SPAG9: variants seen among roughly 807,000 people sequenced by gnomAD.
SPAG9 encodes sperm associated antigen 9.
In SPAG9, 35 loss-of-function variants were observed where a neutral mutation model predicts 166.5. That is an observed-to-expected ratio of 0.21 (90% CI 0.16 to 0.28). The LOEUF (loss-of-function observed/expected upper bound fraction) is 0.28. Ranked by LOEUF, SPAG9 falls within the 10% of genes least tolerant of loss-of-function variation. The pLI is 1.00. For missense variants in SPAG9, 1,235 were observed against 1,603.3 expected, an observed-to-expected ratio of 0.77 and a Z score of 3.92; for synonymous variants, 534 against 565.5, an observed-to-expected ratio of 0.94 and a Z score of 0.79.
chr17:51,060,884 G>T (rs1201522446), intron 2 of SPAG9, among the ~76,000 whole-genome samples: 1 of 140,644 alleles, frequency 7.1e-6, no homozygotes, highest in Non-Finnish European at 1.5e-5. Flanking sequence ...GTCTCACTCT[G>T]TCCCCAGGCT....
chr17:51,024,996 G>A lies in SPAG9; in HGVS notation c.784-3631C>T, dbSNP rs2046097140. Among the ~76,000 whole-genome samples the A allele has an allele frequency of 2.7e-5, 4 of 148,340 alleles. No homozygotes were observed. In the South Asian group the frequency reaches 8.5e-4, roughly 32 times the overall value. ...ATTGCGCCACTGCACTCCAGCTTGGGCAACAGAGCAAGACTTCATCTCAAA... is the reference window on the plus strand; with the variant it reads ...ATTGCGCCACTGCACTCCAGCTTGGACAACAGAGCAAGACTTCATCTCAAA... On this transcript the variant is annotated intron_variant, in intron 6 of 29. Transcript: ENST00000262013.
intron 5 of SPAG9, among the ~76,000 whole-genome samples, chr17:51,035,921 A>G (rs953387874): frequency 1.3e-5 from 2 of 152,228 alleles, no homozygotes; most frequent in African/African-American, 2.4e-5. Flanking sequence ...TGCCAGCCAT[A>G]TAATTTTCAT....
chr17:51,068,912 A>G (rs1290999969), intron 2 of SPAG9, among the ~76,000 whole-genome samples: 3 of 152,168 alleles, frequency 2.0e-5, no homozygotes, highest in Non-Finnish European at 4.4e-5. Context: ...TAAAACAGCT[A>G]AAGACCACAA....
intron 5 of SPAG9, among the ~76,000 whole-genome samples, chr17:51,033,316 A>G (rs1256759025): frequency 1.3e-5 from 2 of 151,884 alleles, no homozygotes; most frequent in Admixed American, 1.3e-4. Context: ...AAATGAAAAA[A>G]AAAAAAAAAA....
intron 2 of SPAG9, among the ~76,000 whole-genome samples, chr17:51,072,897 TAAG>T (rs1444950569): frequency 6.6e-6 from 1 of 152,170 alleles, no homozygotes; most frequent in Non-Finnish European, 1.5e-5. Flanking sequence ...TTTTAAAAAA[TAAG>T]AAGTTTTTAG....
intron 3 of SPAG9, among the ~76,000 whole-genome samples, chr17:51,050,406 C>A: frequency 6.6e-6 from 1 of 152,140 alleles, no homozygotes; most frequent in Non-Finnish European, 1.5e-5. Flanking sequence ...AGGTAAACTC[C>A]AAGTTGATTG....
At chr17:51,020,112 TGGGGGTG>T in intron 8 of SPAG9, 40 bp downstream of exon 8, 1 of 1,114,990 alleles carries the variant, frequency 9.0e-7, no homozygotes, top group Non-Finnish European at 1.4e-6. Flanking sequence ...TTATGGGAGT[TGGGGGTG>T]GGGGGCGCAG....
intron 6 of SPAG9, chr17:51,030,832 C>T (rs902562994): frequency 1.3e-5 from 2 of 152,094 alleles, no homozygotes; most frequent in Non-Finnish European, 2.9e-5. Context: ...CCAGGTCAAC[C>T]CCTGACCTAG....
In SPAG9 at chr17:51,096,385, G is replaced by A. The variant is rs570074776; in HGVS notation, c.304-16681C>T. ...AAAAAAAGAAAGAAAGAAAGAAGTG[G>A]TTTCAACCACATCAGACAGGCAACA... is the stretch of plus-strand genomic sequence containing the variant. On this transcript the variant is annotated intron_variant, in intron 1 of 29. Coordinates refer to ENST00000262013, the MANE Select transcript of SPAG9 (RefSeq NM_001130528.3). 2.0e-5 allele frequency among the ~76,000 whole-genome samples: 3 copies of A among 151,902 alleles called. No individual in the cohort carries two copies. In the South Asian group the frequency reaches 6.2e-4, roughly 32 times the overall value.
In SPAG9 at chr17:51,120,423, C is replaced by T. The variant is rs1370829117; in HGVS notation, c.234G>A (p.Leu78=). The change falls in exon 1 of 30, where the codon CTG becomes CTA. Residue 78 remains leucine (L), a synonymous_variant. Coordinates refer to ENST00000262013, the MANE Select transcript of SPAG9 (RefSeq NM_001130528.3). The surrounding 1 kb of genome is among the most constrained non-coding windows in gnomAD (Gnocchi z 4.7). Reference sequence around the variant, plus strand: ...TGATGAGCTGCTCGTTGTCGTCCCGCAGCAGCTCCAGCTCCACCTGGTGCT... The same window carrying T: ...TGATGAGCTGCTCGTTGTCGTCCCGTAGCAGCTCCAGCTCCACCTGGTGCT... ...DQEHQVELEL[L]RDDNEQLITQ... The T allele has an allele frequency of 6.2e-7, 1 of 1,612,862 alleles. No individual in the cohort carries two copies. Among genetic ancestry groups the T allele is most frequent in the Non-Finnish European group, 8.5e-7 (1 of 1,179,522 alleles).
chr17:51,019,964 T>G (rs1293754028), intron 8 of SPAG9, among the ~76,000 whole-genome samples, 195 bp downstream of exon 8: 1 of 152,232 alleles, frequency 6.6e-6, no homozygotes, highest in Non-Finnish European at 1.5e-5. Context: ...TAATTTGTGA[T>G]CCTGCAAAGA....
At chr17:51,047,133 T>G (rs903170656) in intron 4 of SPAG9, among the ~76,000 whole-genome samples, 1 of 152,238 alleles carries the variant, frequency 6.6e-6, no homozygotes, top group African/African-American at 2.4e-5. Flanking sequence ...CTCCATCAAG[T>G]ATCAGAAAAC....
chr17:51,074,033 G>A (rs144521811), intron 2 of SPAG9, among the ~76,000 whole-genome samples: 4,128 of 152,052 alleles, frequency 0.027, 64 homozygotes, highest in Middle Eastern at 0.034. Flanking sequence ...TCAGGAGATC[G>A]AGACCATCAT....
chr17:50,962,539 G>C lies in SPAG9; in HGVS notation c.*3733C>G, dbSNP rs1349030049. The stretch of plus-strand genomic sequence containing the variant: ...ATAACCCTGTTAGAAAAGCATTTAT[G>C]ATTTCCACATTTAATTTTCTCTTCT... On this transcript the variant is annotated 3_prime_UTR_variant, in exon 30 of 30. Coordinates refer to ENST00000262013, the MANE Select transcript of SPAG9 (RefSeq NM_001130528.3). 6.6e-6 allele frequency: 1 copy of C among 152,210 alleles called. No individual in the cohort carries two copies. The highest frequency in any genetic ancestry group is 1.5e-5 in the Non-Finnish European group (1 of 68,026). 9.4% of individuals were successfully genotyped at this position (152,210 alleles called of 1,614,324 possible).
chr17:51,007,824 G>C (rs1567991325), intron 9 of SPAG9: 2 of 453,704 alleles, frequency 4.4e-6, no homozygotes, highest in Non-Finnish European at 8.9e-6. Context: ...CCCCAAGGCA[G>C]ATGAAACCTT....
At chr17:51,008,762 A>G (rs1284592848) in intron 9 of SPAG9, among the ~76,000 whole-genome samples, 1 of 152,128 alleles carries the variant, frequency 6.6e-6, no homozygotes, top group Admixed American at 6.5e-5. Context: ...AACCAAACAA[A>G]ACAAAATAAA....
chr17:51,095,418 C>T (rs1014161627), intron 1 of SPAG9, among the ~76,000 whole-genome samples: 1 of 151,586 alleles, frequency 6.6e-6, no homozygotes, highest in Non-Finnish European at 1.5e-5. Context: ...ACCAGCCTGA[C>T]CAACATGGTG....
chr17:51,081,878 C>T (rs545988311), intron 1 of SPAG9, among the ~76,000 whole-genome samples: 46 of 152,288 alleles, frequency 3.0e-4, no homozygotes, highest in African/African-American at 1.1e-3. Context: ...TCCCCTACTT[C>T]TCTTCCTACC....
chr17:51,107,456 T>C (rs1023455368), intron 1 of SPAG9, among the ~76,000 whole-genome samples: 10 of 150,342 alleles, frequency 6.7e-5, no homozygotes, highest in Non-Finnish European at 1.3e-4. Context: ...AGGGCAATAA[T>C]AGTCAGACAC....
Sources: gnomAD v4.1 joint callset for allele counts (sites outside exome capture counted in the v4.1 genomes callset) on GRCh38, gnomAD v4.1.1 for gene constraint, Gnocchi (gnomAD v3.1) non-coding constraint, MANE v1.5 for transcripts, NCBI Gene and HGNC (gene_info 2026-07-23, HGNC 2026-07-21) for gene names.